MARCHF4: variants seen among roughly 807,000 people sequenced by gnomAD.
MARCHF4 encodes the protein E3 ubiquitin-protein ligase MARCHF4.
Under a neutral mutation model 43.9 loss-of-function variants are expected in MARCHF4, and 14 were observed. The observed-to-expected ratio is 0.32, with a 90% CI of 0.21 to 0.50. The LOEUF (loss-of-function observed/expected upper bound fraction) is 0.50. Among genes scored for constraint, MARCHF4 ranks in the 20% least tolerant of loss-of-function variants. MARCHF4 has a pLI of 0.98. For missense variants in MARCHF4, 468 were observed against 536.7 expected (o/e 0.87, Z 1.27); for synonymous variants, 226 against 213.3 (o/e 1.06, Z -0.52).
intron 1 of MARCHF4, among the ~76,000 whole-genome samples, chr2:216,346,670 A>G (rs183582565): frequency 1.3e-5 from 2 of 152,360 alleles, no homozygotes; most frequent in Non-Finnish European, 2.9e-5. Context: ...AAAGCTTCTA[A>G]GCAGAGGGAA....
At chr2:216,263,566 A>AAGAAAGAAAG (rs757012120) in intron 3 of MARCHF4, among the ~76,000 whole-genome samples, 1 of 151,426 alleles carries the variant, frequency 6.6e-6, no homozygotes, top group East Asian at 1.9e-4. Flanking sequence ...AAGAAAAAGA[A>AAGAAAGAAAG]AGAAAGAAAG....
intron 1 of MARCHF4, among the ~76,000 whole-genome samples, chr2:216,355,577 T>C (rs1261589108): frequency 6.6e-6 from 1 of 152,244 alleles, no homozygotes; most frequent in East Asian, 1.9e-4. Flanking sequence ...TTTGTTGTTG[T>C]TTGGTCTTTG....
In MARCHF4 at chr2:216,258,686, A is replaced by G. The variant is rs1690690998; in HGVS notation, c.*626T>C. The G allele has an allele frequency of 6.6e-6, 1 of 151,628 alleles. No homozygotes were observed. The highest frequency in any genetic ancestry group is 2.1e-4 in the South Asian group (1 of 4,768). The allele number at this position is 151,628 out of a possible 1,614,324, so 9.4% of individuals were successfully genotyped here. A position where few individuals can be genotyped will look rare whatever the true frequency, so the allele number is the denominator to read the frequency against. ...GGAAGTTCCTTCAGGAAGGAGACAC[A>G]CTCTCCCTCTGGCTGCTCACACCAG... On this transcript the variant is annotated 3_prime_UTR_variant, in exon 4 of 4. Coordinates refer to ENST00000273067, the MANE Select transcript of MARCHF4 (RefSeq NM_020814.3).
At chr2:216,355,368 A>G (rs1692486110) in intron 1 of MARCHF4, among the ~76,000 whole-genome samples, 1 of 152,162 alleles carries the variant, frequency 6.6e-6, no homozygotes, top group Non-Finnish European at 1.5e-5. Context: ...TAAACCCCCC[A>G]TGTACCCAGC....
At chr2:216,308,453 C>G (rs1691626637) in intron 1 of MARCHF4, among the ~76,000 whole-genome samples, 1 of 152,210 alleles carries the variant, frequency 6.6e-6, no homozygotes, top group African/African-American at 2.4e-5. Flanking sequence ...ATCCTGAACT[C>G]CAGGCCTTAC....
intron 1 of MARCHF4, among the ~76,000 whole-genome samples, chr2:216,284,693 C>T (rs992404152): frequency 2.0e-5 from 3 of 152,004 alleles, no homozygotes; most frequent in Admixed American, 6.6e-5. Flanking sequence ...CTTGAAATTA[C>T]GGATTTCCAT....
intron 3 of MARCHF4, among the ~76,000 whole-genome samples, chr2:216,275,886 T>C (rs548129653): frequency 2.0e-5 from 3 of 152,270 alleles, no homozygotes; most frequent in African/African-American, 7.2e-5. Context: ...GCTCCTGCAT[T>C]CATCTAGGAA....
In MARCHF4 at chr2:216,276,328, G is replaced by A. The variant is rs188160245; in HGVS notation, c.865+1344C>T. 7.7e-4 allele frequency among the ~76,000 whole-genome samples: 115 copies of A among 148,902 alleles called. 1 individual carries two copies. The highest frequency in any genetic ancestry group is 3.4e-3 in the Middle Eastern group (1 of 292). ...GCAGGAGTAGGAAGGGAGTTTGGTG[G>A]GAGGGGGAAAGAAATTAGAATGCAT... On this transcript the variant is annotated intron_variant, in intron 3 of 3. Transcript: ENST00000273067.
chr2:216,319,952 C>T (rs549558658), intron 1 of MARCHF4, among the ~76,000 whole-genome samples: 1 of 152,318 alleles, frequency 6.6e-6, no homozygotes, highest in African/African-American at 2.4e-5. Flanking sequence ...CCTTCACTTG[C>T]TGCCTGGCTG....
intron 1 of MARCHF4, among the ~76,000 whole-genome samples, chr2:216,367,020 T>C (rs1692676620): frequency 6.6e-6 from 1 of 152,194 alleles, no homozygotes. Context: ...TCTCTTGCTG[T>C]TCCTCACCAC....
At chr2:216,262,584 A>G (rs1019311000) in intron 3 of MARCHF4, among the ~76,000 whole-genome samples, 2 of 152,054 alleles carry the variant, frequency 1.3e-5, no homozygotes, top group Admixed American at 1.3e-4. Context: ...GGAGAGTGGG[A>G]TGTTTAAATC....
chr2:216,328,194 G>A (rs1398739521), intron 1 of MARCHF4, among the ~76,000 whole-genome samples: 14 of 152,070 alleles, frequency 9.2e-5, no homozygotes, highest in Middle Eastern at 3.4e-3. Context: ...TTTTTGAGAC[G>A]GAGTCTCGCT....
chr2:216,346,158 G>A (rs1039387750), intron 1 of MARCHF4, among the ~76,000 whole-genome samples: 9 of 152,196 alleles, frequency 5.9e-5, no homozygotes, highest in African/African-American at 2.2e-4. Context: ...AGCATTGTAA[G>A]TCTCACATCT....
intron 3 of MARCHF4, among the ~76,000 whole-genome samples, chr2:216,263,511 G>GAGAAAGAGAGAA: frequency 1.6e-5 from 1 of 61,788 alleles, no homozygotes; most frequent in East Asian, 3.9e-4. Context: ...GAGAGAGAGA[G>GAGAAAGAGAGAA]AGAGAGAGAG....
intron 1 of MARCHF4, among the ~76,000 whole-genome samples, chr2:216,329,425 G>C (rs1692050078): frequency 6.6e-6 from 1 of 152,016 alleles, no homozygotes; most frequent in African/African-American, 2.4e-5. Context: ...TGAGGTAGTT[G>C]ACAGGTTTAA....
At chr2:216,298,775 T>C (rs1230144483) in intron 1 of MARCHF4, among the ~76,000 whole-genome samples, 1 of 152,202 alleles carries the variant, frequency 6.6e-6, no homozygotes, top group Non-Finnish European at 1.5e-5. Context: ...TACAGCCTGT[T>C]TTTAACTTGT....
intron 1 of MARCHF4, among the ~76,000 whole-genome samples, chr2:216,339,433 A>G (rs926188518): frequency 6.6e-6 from 1 of 152,192 alleles, no homozygotes; most frequent in African/African-American, 2.4e-5. Flanking sequence ...TTTGCACATC[A>G]CAGGGAGTGC....
intron 1 of MARCHF4, among the ~76,000 whole-genome samples, chr2:216,323,115 T>C (rs1022804786): frequency 2.0e-5 from 3 of 152,170 alleles, no homozygotes; most frequent in Non-Finnish European, 2.9e-5. Context: ...ATAAGCAAAG[T>C]GTGTTCCTCA....
At chr2:216,330,343 T>G (rs898520060) in intron 1 of MARCHF4, among the ~76,000 whole-genome samples, 12 of 152,168 alleles carry the variant, frequency 7.9e-5, no homozygotes, top group Non-Finnish European at 1.5e-4. Context: ...TATATAACTT[T>G]CATATCACTA....
Sources: allele counts gnomAD v4.1 joint callset (sites outside exome capture counted in the v4.1 genomes callset), GRCh38; gene constraint gnomAD v4.1.1; transcripts MANE v1.5; gene names NCBI Gene and HGNC (gene_info 2026-07-23, HGNC 2026-07-21).